Variants in ARHGAP28 observed in about 807,000 individuals in gnomAD.
ARHGAP28 encodes the protein Rho GTPase activating protein 28.
ARHGAP28 carries 56 observed loss-of-function variants against 90.7 expected under a neutral mutation model. The observed-to-expected ratio is 0.62, with a 90% CI of 0.50 to 0.77. ARHGAP28 has a LOEUF of 0.77. ARHGAP28 is among the 30% of genes least tolerant of loss of function. The pLI, the probability that ARHGAP28 is intolerant of heterozygous loss-of-function variation, is 0.00. For missense variants in ARHGAP28, 869 were observed against 900.9 expected, an observed-to-expected ratio of 0.96 and a Z score of 0.45; for synonymous variants, 308 against 323.3, an observed-to-expected ratio of 0.95 and a Z score of 0.51.
chr18:6,761,156 TG>T lies in ARHGAP28; in HGVS notation c.122+31218del, dbSNP rs375158655. On this transcript the variant is annotated intron_variant, in intron 1 of 17. Coordinates refer to ENST00000383472, the MANE Select transcript of ARHGAP28 (RefSeq NM_001366230.1). The stretch of plus-strand genomic sequence containing the variant: ...AGTAAGGTTAGTAGCATCTTAGAGA[TG>T]GGGGTGGGGGTGAGGGCAGGGGCAG... Among the ~76,000 whole-genome samples, 18 of 121,282 alleles carry T rather than the reference TG, an allele frequency of 1.5e-4. No homozygotes were observed. In the East Asian group the frequency reaches 2.1e-3, roughly 14 times the overall value. The allele number at this position is 121,282 out of a possible 152,430, so 79.6% of individuals were successfully genotyped here. A position where few individuals can be genotyped will look rare whatever the true frequency, so the allele number is the denominator to read the frequency against.
At chr18:6,814,360 G>A (rs191978122) in intron 1 of ARHGAP28, among the ~76,000 whole-genome samples, 22 of 152,200 alleles carry the variant, frequency 1.4e-4, no homozygotes, top group Admixed American at 3.9e-4. Context: ...AGAGATTGCC[G>A]GATAATACCC....
rs759405946 is a variant in ARHGAP28 at position 6,882,212 on chromosome 18, G to T, written c.1366G>T (p.Ala456Ser). 2 of 1,614,044 alleles carry T rather than the reference G, an allele frequency of 1.2e-6. No homozygotes were observed. The highest frequency in any genetic ancestry group is 4.5e-5 in the East Asian group (2 of 44,858). The change falls in exon 11 of 18, where the codon GCA becomes TCA. Residue 456 changes from alanine (A) to serine (S), a missense_variant. Ala to Ser is a moderately conservative substitution (Grantham distance 99, BLOSUM62 1). Transcript: ENST00000383472. The part of the protein sequence containing the change: ...KWDKMCHREA[A>S]VMLKAFFREL... The stretch of plus-strand genomic sequence containing the variant: ...GGACAAAATGTGCCATAGAGAAGCT[G>T]CAGTAATGTTGAAAGCGTTTTTCAG...
intron 1 of ARHGAP28, among the ~76,000 whole-genome samples, chr18:6,765,507 T>C (rs1019885780): frequency 6.6e-6 from 1 of 152,106 alleles, no homozygotes; most frequent in African/African-American, 2.4e-5. Flanking sequence ...ACACTGCCTA[T>C]TTTTGGCTCA....
intron 14 of ARHGAP28, among the ~76,000 whole-genome samples, chr18:6,890,811 T>TA (rs2057259626): frequency 6.6e-6 from 1 of 152,202 alleles, no homozygotes; most frequent in Non-Finnish European, 1.5e-5. Flanking sequence ...AAGGCTAAAA[T>TA]GGTTCTCGCA....
chr18:6,819,236 AT>A (rs1215350398), intron 1 of ARHGAP28, among the ~76,000 whole-genome samples: 17 of 152,198 alleles, frequency 1.1e-4, no homozygotes, highest in Non-Finnish European at 2.2e-4. Context: ...AATATCTGTT[AT>A]GTTTACAATG....
intron 1 of ARHGAP28, among the ~76,000 whole-genome samples, chr18:6,758,956 T>G (rs2056135855): frequency 6.6e-6 from 1 of 152,204 alleles, no homozygotes; most frequent in Admixed American, 6.5e-5. Flanking sequence ...AGATTTTTAT[T>G]AATGAGCTTT....
At chr18:6,857,379 T>C (rs2056961989) in intron 4 of ARHGAP28, among the ~76,000 whole-genome samples, 1 of 152,180 alleles carries the variant, frequency 6.6e-6, no homozygotes, top group South Asian at 2.1e-4. Flanking sequence ...AGTATCAACA[T>C]AGATATAAAC....
intron 5 of ARHGAP28, among the ~76,000 whole-genome samples, chr18:6,862,538 A>T (rs1034439270): frequency 1.3e-5 from 2 of 152,182 alleles, no homozygotes; most frequent in African/African-American, 4.8e-5. Context: ...AAGTAAATCC[A>T]CCAGGTTTGC....
chr18:6,849,210 A>G (rs1164349064), intron 3 of ARHGAP28, among the ~76,000 whole-genome samples: 8 of 148,306 alleles, frequency 5.4e-5, no homozygotes, highest in Non-Finnish European at 7.4e-5. Context: ...GTGAGCTGTG[A>G]TCTCACTGTT....
At chr18:6,780,708 G>A (rs1485987461) in intron 1 of ARHGAP28, among the ~76,000 whole-genome samples, 2 of 152,042 alleles carry the variant, frequency 1.3e-5, no homozygotes, top group Non-Finnish European at 2.9e-5. Flanking sequence ...GCCCAAGATA[G>A]CAAAACCCCG....
At chr18:6,910,992 C>CAG (rs2057395135) in intron 17 of ARHGAP28, among the ~76,000 whole-genome samples, 1 of 151,874 alleles carries the variant, frequency 6.6e-6, no homozygotes, top group Non-Finnish European at 1.5e-5. Flanking sequence ...TTACAGGCGC[C>CAG]CATCACCACG....
rs114369403 is a variant in ARHGAP28, at chr18:6,770,583, T to C, written c.122+40640T>C. Among the ~76,000 whole-genome samples, 1,180 of 152,330 alleles carry C rather than the reference T, an allele frequency of 7.7e-3. 7 individuals carry two copies. Among genetic ancestry groups the C allele is most frequent in the African/African-American group, 0.027 (1,116 of 41,574 alleles). ...CAGGCAGCATTTAAGCCACATCTGA[T>C]AACCTTCTATAGTTGAGCTCTCTTG... On this transcript the variant is annotated intron_variant, in intron 1 of 17. Coordinates refer to ENST00000383472, the MANE Select transcript of ARHGAP28 (RefSeq NM_001366230.1).
At chr18:6,863,214 C>A (rs1042378338) in intron 5 of ARHGAP28, among the ~76,000 whole-genome samples, 2 of 151,752 alleles carry the variant, frequency 1.3e-5, no homozygotes, top group African/African-American at 4.8e-5. Flanking sequence ...CTTATGAATT[C>A]TTCTAATGTT....
intron 16 of ARHGAP28, among the ~76,000 whole-genome samples, chr18:6,908,439 G>T (rs1057357293): frequency 1.3e-5 from 2 of 152,076 alleles, no homozygotes; most frequent in Non-Finnish European, 2.9e-5. Flanking sequence ...GTGTCCGGCC[G>T]TGACTTGCTT....
At chr18:6,792,016 C>T (rs989920464) in intron 1 of ARHGAP28, among the ~76,000 whole-genome samples, 3 of 151,992 alleles carry the variant, frequency 2.0e-5, no homozygotes, top group Admixed American at 1.3e-4. Context: ...AGGCTGGTCT[C>T]GAACTCCTGA....
At chr18:6,908,921 A>G in intron 16 of ARHGAP28, 39 bp from the exon 17 acceptor site, 1 of 1,287,058 alleles carries the variant, frequency 7.8e-7, no homozygotes, top group Non-Finnish European at 1.1e-6. Flanking sequence ...CAGATCAGGA[A>G]AAAGTACTAA....
At chr18:6,902,892 T>C (rs774485671) in intron 16 of ARHGAP28, among the ~76,000 whole-genome samples, 10 of 152,158 alleles carry the variant, frequency 6.6e-5, no homozygotes, top group Non-Finnish European at 1.3e-4. Context: ...TTCACAATAG[T>C]TAAAACATGG....
intron 7 of ARHGAP28, 104 bp downstream of exon 7, chr18:6,870,836 A>C (rs374247443): frequency 1.0e-5 from 13 of 1,275,300 alleles, no homozygotes; most frequent in South Asian, 1.5e-5. Context: ...GTCTCGCTCT[A>C]TTGCCCCAGG....
intron 1 of ARHGAP28, among the ~76,000 whole-genome samples, chr18:6,745,966 A>G (rs2056019845): frequency 6.6e-6 from 1 of 152,196 alleles, no homozygotes; most frequent in Admixed American, 6.5e-5. Context: ...TTCTACTCCC[A>G]GGACACTGCA....
Sources: gnomAD v4.1 joint callset for allele counts (sites outside exome capture counted in the v4.1 genomes callset) on GRCh38, gnomAD v4.1.1 for gene constraint, MANE v1.5 for transcripts, NCBI Gene and HGNC (gene_info 2026-07-23, HGNC 2026-07-21) for gene names.